Variants in TMEM132D observed in about 807,000 individuals in gnomAD.
TMEM132D encodes the protein transmembrane protein 132D.
Under a neutral mutation model 62.3 loss-of-function variants are expected in TMEM132D, and 21 were observed. That is an observed-to-expected ratio of 0.34 (90% CI 0.24 to 0.49). The LOEUF is 0.49. Among genes scored for constraint, TMEM132D ranks in the 20% least tolerant of loss-of-function variants. The pLI, the probability that TMEM132D is intolerant of heterozygous loss-of-function variation, is 0.99. For synonymous variants in TMEM132D, 621 were observed against 575.6 expected (o/e 1.08, Z -1.13); for missense variants, 1,346 against 1,402.8 (o/e 0.96, Z 0.65).
intron 2 of TMEM132D, among the ~76,000 whole-genome samples, chr12:129,556,919 A>G (rs1566108683): frequency 6.6e-6 from 1 of 152,222 alleles, no homozygotes; most frequent in Non-Finnish European, 1.5e-5. Context: ...CCCCAGGCAC[A>G]TTTTAAAGTT....
chr12:129,488,860 C>T (rs1874670683), intron 3 of TMEM132D, among the ~76,000 whole-genome samples: 1 of 151,484 alleles, frequency 6.6e-6, no homozygotes, highest in African/African-American at 2.4e-5. Flanking sequence ...AAATTCTCTT[C>T]TCCCCAAAGC....
chr12:129,465,022 C>G (rs533125943), intron 3 of TMEM132D, among the ~76,000 whole-genome samples: 6 of 150,860 alleles, frequency 4.0e-5, no homozygotes, highest in Non-Finnish European at 8.9e-5. Flanking sequence ...GCATTGGTAG[C>G]TTGATGGGGA....
chr12:129,398,735 C>T (rs913955216), intron 3 of TMEM132D, among the ~76,000 whole-genome samples: 5 of 152,162 alleles, frequency 3.3e-5, no homozygotes, highest in Middle Eastern at 3.2e-3. Flanking sequence ...GCAATTCATT[C>T]CATGGGGAAG....
At chr12:129,369,157 C>A (rs556656429) in intron 3 of TMEM132D, among the ~76,000 whole-genome samples, 21 of 152,176 alleles carry the variant, frequency 1.4e-4, no homozygotes, top group African/African-American at 5.1e-4. Flanking sequence ...GACTGACATC[C>A]AAACAGCATA....
At chr12:129,637,403 G>C (rs1879511560) in intron 2 of TMEM132D, among the ~76,000 whole-genome samples, 1 of 152,156 alleles carries the variant, frequency 6.6e-6, no homozygotes, top group African/African-American at 2.4e-5. Context: ...CTCAGTGTTG[G>C]AAGAGGGGCC....
At chr12:129,334,682 T>G (rs1030077319) in intron 4 of TMEM132D, among the ~76,000 whole-genome samples, 1 of 152,148 alleles carries the variant, frequency 6.6e-6, no homozygotes, top group Non-Finnish European at 1.5e-5. Context: ...CTCCGCCTCC[T>G]GGGTTCAAGC....
intron 4 of TMEM132D, among the ~76,000 whole-genome samples, chr12:129,322,000 G>A (rs1034715639): frequency 2.6e-5 from 4 of 151,984 alleles, no homozygotes; most frequent in Admixed American, 6.6e-5. Context: ...AAATCCTGGT[G>A]GTGTAAAAGC....
chr12:129,667,290 T>C lies in TMEM132D; in HGVS notation c.968+32520A>G, dbSNP rs1303327221. ...AGCTTTAACATCAAAGATGCACTAA[T>C]GAAAACATGAAATTTGGTTTTCTCT... On this transcript the variant is annotated intron_variant, in intron 2 of 8. Coordinates refer to ENST00000422113, the MANE Select transcript of TMEM132D (RefSeq NM_133448.3). Among the ~76,000 whole-genome samples the C allele has an allele frequency of 2.0e-5, 3 of 152,342 alleles. No individual in the cohort carries two copies. In the East Asian group the frequency reaches 5.8e-4, roughly 29 times the overall value.
chr12:129,322,038 T>C (rs548542400), intron 4 of TMEM132D, among the ~76,000 whole-genome samples: 2 of 152,328 alleles, frequency 1.3e-5, no homozygotes, highest in African/African-American at 2.4e-5. Context: ...ACATCCATTT[T>C]AGTCATGTGA....
At chr12:129,458,709 C>A (rs901142039) in intron 3 of TMEM132D, among the ~76,000 whole-genome samples, 2 of 152,160 alleles carry the variant, frequency 1.3e-5, no homozygotes, top group Non-Finnish European at 2.9e-5. Context: ...TCAGACGGGG[C>A]CCCTAGCAGG....
At chr12:129,775,475 G>C (rs1032271762) in intron 1 of TMEM132D, among the ~76,000 whole-genome samples, 3 of 152,140 alleles carry the variant, frequency 2.0e-5, no homozygotes, top group Non-Finnish European at 2.9e-5. Context: ...AATCGCCCCT[G>C]TTCACTGGTT....
intron 3 of TMEM132D, among the ~76,000 whole-genome samples, chr12:129,386,764 T>G (rs1191814059): frequency 6.7e-6 from 1 of 148,608 alleles, no homozygotes; most frequent in Non-Finnish European, 1.5e-5. Flanking sequence ...CTAATCATAA[T>G]ACAAACACAA....
intron 4 of TMEM132D, among the ~76,000 whole-genome samples, chr12:129,284,754 A>C (rs958515849): frequency 6.6e-6 from 1 of 152,272 alleles, no homozygotes; most frequent in Non-Finnish European, 1.5e-5. Context: ...TTAAGTGTTA[A>C]TACATGCTAC....
intron 4 of TMEM132D, among the ~76,000 whole-genome samples, chr12:129,211,595 G>A (rs942355036): frequency 5.3e-5 from 8 of 152,106 alleles, no homozygotes; most frequent in Non-Finnish European, 1.2e-4. Flanking sequence ...TGTCATTTAT[G>A]GGATGAGATT....
intron 3 of TMEM132D, among the ~76,000 whole-genome samples, chr12:129,490,356 G>T (rs1874730762): frequency 6.7e-6 from 1 of 149,042 alleles, no homozygotes; most frequent in African/African-American, 2.5e-5. Context: ...CCACAGGTAT[G>T]TCTTGTTTGG....
At chr12:129,215,639 G>A (rs770528676) in intron 4 of TMEM132D, among the ~76,000 whole-genome samples, 5 of 152,160 alleles carry the variant, frequency 3.3e-5, no homozygotes, top group Admixed American at 1.3e-4. Flanking sequence ...TAAAAGACAC[G>A]TGGTTTCAGT....
intron 2 of TMEM132D, among the ~76,000 whole-genome samples, chr12:129,623,557 A>T (rs1879127243): frequency 6.6e-6 from 1 of 151,850 alleles, no homozygotes; most frequent in African/African-American, 2.4e-5. Context: ...ACTCAGGATA[A>T]TGGTCTCCAG....
chr12:129,513,802 A>AT (rs546917620), intron 3 of TMEM132D, among the ~76,000 whole-genome samples: 185 of 127,826 alleles, frequency 1.4e-3, no homozygotes, highest in African/African-American at 4.8e-3. Flanking sequence ...ACCAATTTTT[A>AT]TTTTTATTTA....
At chr12:129,173,749 T>C (rs543438290) in intron 5 of TMEM132D, among the ~76,000 whole-genome samples, 5 of 152,230 alleles carry the variant, frequency 3.3e-5, no homozygotes, top group African/African-American at 4.8e-5. Context: ...ATGCATGTGA[T>C]AACTTTATTT....
Sources: gnomAD v4.1 joint callset for allele counts (sites outside exome capture counted in the v4.1 genomes callset) on GRCh38, gnomAD v4.1.1 for gene constraint, MANE v1.5 for transcripts, NCBI Gene and HGNC (gene_info 2026-07-23, HGNC 2026-07-21) for gene names.